DOT1L: variants seen among roughly 807,000 people sequenced by gnomAD.
DOT1L encodes the protein histone-lysine N-methyltransferase, H3 lysine-79 specific.
A neutral mutation model predicts 153.3 loss-of-function variants in DOT1L; 33 were observed. The ratio of observed to expected loss-of-function variants is 0.22; its 90% CI spans 0.16 to 0.29. The LOEUF (loss-of-function observed/expected upper bound fraction) is 0.29. DOT1L is among the 10% of genes least tolerant of loss of function. DOT1L has a pLI of 1.00. For synonymous variants in DOT1L, 1,135 were observed against 965.1 expected, an observed-to-expected ratio of 1.18 and a Z score of -3.26; for missense variants, 1,847 against 2,119.9, an observed-to-expected ratio of 0.87 and a Z score of 2.53.
chr19:2,177,276 C>T (rs912886398), intron 1 of DOT1L, among the ~76,000 whole-genome samples: 23 of 152,136 alleles, frequency 1.5e-4, no homozygotes, highest in Admixed American at 9.8e-4. Flanking sequence ...GCCCCACACA[C>T]GCAGTCAAAT....
intron 1 of DOT1L, among the ~76,000 whole-genome samples, chr19:2,167,345 C>T (rs1230154709): frequency 6.6e-6 from 1 of 152,230 alleles, no homozygotes; most frequent in Admixed American, 6.5e-5. Context: ...GACCCTTTGC[C>T]TTTTCCTTGG....
chr19:2,200,610 G>A (rs1312640459), intron 8 of DOT1L, among the ~76,000 whole-genome samples: 1 of 152,092 alleles, frequency 6.6e-6, no homozygotes, highest in Non-Finnish European at 1.5e-5. Flanking sequence ...GGTGGGGTCA[G>A]CAGCCGGCTG....
chr19:2,174,285 A>G (rs2021798739), intron 1 of DOT1L, among the ~76,000 whole-genome samples: 1 of 152,240 alleles, frequency 6.6e-6, no homozygotes, highest in African/African-American at 2.4e-5. Flanking sequence ...ACAGATGCTC[A>G]GCCAGGAAGC....
intron 1 of DOT1L, among the ~76,000 whole-genome samples, chr19:2,180,221 G>A (rs1259310783): frequency 2.0e-5 from 3 of 152,158 alleles, no homozygotes; most frequent in Admixed American, 1.3e-4. Flanking sequence ...TATCACCTGC[G>A]GTCACATACC....
chr19:2,187,730 C>T (rs8108953), intron 3 of DOT1L, among the ~76,000 whole-genome samples: 5 of 151,946 alleles, frequency 3.3e-5, no homozygotes, highest in African/African-American at 7.3e-5. Flanking sequence ...AGACCATCCT[C>T]GCTAGCACAG....
At chr19:2,192,672 CAAA>C (rs71176526) in intron 5 of DOT1L, among the ~76,000 whole-genome samples, 8 of 95,094 alleles carry the variant, frequency 8.4e-5, no homozygotes, top group Admixed American at 2.3e-4. Flanking sequence ...GACTCCGTCT[CAAA>C]AAAAAAAAAA....
intron 9 of DOT1L, among the ~76,000 whole-genome samples, chr19:2,205,913 G>A (rs1245666833): frequency 2.6e-5 from 4 of 151,958 alleles, no homozygotes; most frequent in African/African-American, 4.8e-5. Flanking sequence ...CCCAGGCTGG[G>A]CTGGAACTTC....
chr19:2,170,535 C>G (rs994595146), intron 1 of DOT1L, among the ~76,000 whole-genome samples: 13 of 152,072 alleles, frequency 8.5e-5, no homozygotes, highest in Non-Finnish European at 1.8e-4. Flanking sequence ...CTGGGCAGCC[C>G]CGATTCAACT....
chr19:2,222,424 G>A lies in DOT1L; in HGVS notation c.3255G>A (p.Arg1085=). 1 of 1,609,844 alleles carries A rather than the reference G, an allele frequency of 6.2e-7. No individual in the cohort carries two copies. Among genetic ancestry groups the A allele is most frequent in the Non-Finnish European group, 8.5e-7 (1 of 1,178,608 alleles). Residue 1085 remains arginine, a synonymous_variant, in exon 24 of 28, where the codon AGG becomes AGA. Transcript: ENST00000398665. The surrounding 1 kb of genome is among the most constrained non-coding windows in gnomAD (Gnocchi z 6.5). ...CVPSHGQDSR[R]RGRRKRASAG... ...CGAGCCACGGGCAGGACAGTCGCAG[G>A]CGCGGCCGGCGGAAGCGAGCATCTG...
chr19:2,207,444 C>T lies in DOT1L; in HGVS notation c.857-130C>T, dbSNP rs755170639. 119 of 731,862 alleles carry T rather than the reference C, an allele frequency of 1.6e-4. No homozygotes were observed. Among genetic ancestry groups the T allele is most frequent in the Non-Finnish European group, 2.4e-4 (111 of 454,978 alleles). 45.3% of individuals were successfully genotyped at this position (731,862 alleles called of 1,614,324 possible). ...GCCTCTGTGGGCCACTGTGGCCTGACGCAGTGTGGGAGAAGAGGGAAGACG... is the reference window on the plus strand; with the variant it reads ...GCCTCTGTGGGCCACTGTGGCCTGATGCAGTGTGGGAGAAGAGGGAAGACG... On this transcript the variant is annotated intron_variant, in intron 10 of 27. Coordinates refer to ENST00000398665, the MANE Select transcript of DOT1L (RefSeq NM_032482.3). The surrounding 1 kb of genome is among the most constrained non-coding windows in gnomAD (Gnocchi z 4.5).
At chr19:2,198,084 C>T (rs1201241176) in intron 7 of DOT1L, among the ~76,000 whole-genome samples, 1 of 152,298 alleles carries the variant, frequency 6.6e-6, no homozygotes, top group African/African-American at 2.4e-5. Flanking sequence ...ATATAAACCA[C>T]GGTGTTTGCA....
At chr19:2,215,890 C>T (rs781552280) in intron 19 of DOT1L, 10 of 178,918 alleles carry the variant, frequency 5.6e-5, no homozygotes, top group African/African-American at 7.1e-5. Flanking sequence ...AACAGATAAA[C>T]TAAAAGGAAA....
At chr19:2,206,650 C>G in intron 9 of DOT1L, 79 bp from the exon 10 acceptor site, 1 of 1,425,714 alleles carries the variant, frequency 7.0e-7, no homozygotes, top group East Asian at 2.3e-5. Flanking sequence ...TGTCATTGTT[C>G]CTTCTCTGTC....
intron 1 of DOT1L, among the ~76,000 whole-genome samples, chr19:2,166,628 C>G (rs1317987408): frequency 6.6e-6 from 1 of 152,070 alleles, no homozygotes; most frequent in Non-Finnish European, 1.5e-5. Context: ...CTAGGCTGGT[C>G]TCGAACTCCT....
chr19:2,177,552 A>G (rs567802883), intron 1 of DOT1L, among the ~76,000 whole-genome samples: 86 of 152,254 alleles, frequency 5.6e-4, no homozygotes, highest in Non-Finnish European at 9.1e-4. Flanking sequence ...TATTTGTGTT[A>G]TTAGTATTCG....
rs2024374288 is a variant in DOT1L, at chr19:2,227,014, T to G, written c.4493T>G (p.Phe1498Cys). 6.3e-7 allele frequency: 1 copy of G among 1,591,336 alleles called. No homozygotes were observed. The highest frequency in any genetic ancestry group is 8.5e-7 in the Non-Finnish European group (1 of 1,176,140). Residue 1498 changes from phenylalanine (F) to cysteine (C), a missense_variant, in exon 27 of 28, where the codon TTC (phenylalanine) becomes TGC (cysteine). Physicochemically the swap from Phe to Cys is radical, Grantham distance 205. Coordinates refer to ENST00000398665, the MANE Select transcript of DOT1L (RefSeq NM_032482.3). Reference sequence around the variant, plus strand: ...GGCTCCTCCGTGCTGCAGTCGCTGTTCAGCTCTGTGCCGGCCGCCGCAGGC... The same window carrying G: ...GGCTCCTCCGTGCTGCAGTCGCTGTGCAGCTCTGTGCCGGCCGCCGCAGGC... ...VAGSSVLQSLFSSVPAAAGLV... is the reference protein window; with the variant it reads ...VAGSSVLQSLCSSVPAAAGLV...
At chr19:2,202,266 G>C (rs563014998) in intron 8 of DOT1L, among the ~76,000 whole-genome samples, 2 of 152,352 alleles carry the variant, frequency 1.3e-5, no homozygotes, top group South Asian at 4.1e-4. Context: ...GGGACCCGTT[G>C]TCTGCGGTCT....
chr19:2,228,970 C>A, intron 27 of DOT1L: 1 of 985,370 alleles, frequency 1.0e-6, no homozygotes, highest in Non-Finnish European at 1.2e-6. Context: ...CCGGCGGGGT[C>A]GAGAGGCAAG....
chr19:2,202,005 A>G (rs1312500303), intron 8 of DOT1L, among the ~76,000 whole-genome samples: 1 of 152,092 alleles, frequency 6.6e-6, no homozygotes, highest in Non-Finnish European at 1.5e-5. Context: ...TGCATCACGG[A>G]GCTTCCTTCC....
Sources: gnomAD v4.1 joint callset for allele counts (sites outside exome capture counted in the v4.1 genomes callset) on GRCh38, gnomAD v4.1.1 for gene constraint, Gnocchi (gnomAD v3.1) non-coding constraint, MANE v1.5 for transcripts, NCBI Gene and HGNC (gene_info 2026-07-23, HGNC 2026-07-21) for gene names.